Variants in MAF observed in about 807,000 individuals in gnomAD.
MAF encodes the protein MAF bZIP transcription factor.
MAF carries 10 observed loss-of-function variants against 22.0 expected under a neutral mutation model. That is an observed-to-expected ratio of 0.45 (90% confidence interval 0.28 to 0.77). The LOEUF (loss-of-function observed/expected upper bound fraction) is 0.77. Ranked by LOEUF, MAF falls within the 30% of genes least tolerant of loss-of-function variation. The pLI, the probability that MAF is intolerant of heterozygous loss-of-function variation, is 0.12. For synonymous variants in MAF, 337 were observed against 255.8 expected (o/e 1.32, Z -3.03); for missense variants, 544 against 548.4 (o/e 0.99, Z 0.08).
chr16:79,396,839 C>G, the MAF span, among the ~76,000 whole-genome samples: 2 of 152,212 alleles, frequency 1.3e-5, no homozygotes, highest in African/African-American at 4.8e-5. Context: ...TGCAGCCGAA[C>G]TTAGGAAACA....
At chr16:79,415,519 G>C in the MAF span, among the ~76,000 whole-genome samples, 14 of 152,292 alleles carry the variant, frequency 9.2e-5, no homozygotes, top group East Asian at 2.5e-3. Flanking sequence ...CTTAAATTAG[G>C]AATGGCTCAG....
the MAF span, among the ~76,000 whole-genome samples, chr16:79,247,372 TG>T: frequency 6.6e-6 from 1 of 152,218 alleles, no homozygotes; most frequent in Non-Finnish European, 1.5e-5. Flanking sequence ...ATATTATCAA[TG>T]GCAAAGTCAT....
the MAF span, among the ~76,000 whole-genome samples, chr16:79,373,743 G>A: frequency 6.6e-6 from 1 of 152,036 alleles, no homozygotes; most frequent in Non-Finnish European, 1.5e-5. Context: ...ATCATGTGAT[G>A]CCCTGAGCTG....
chr16:79,278,155 T>C, the MAF span, among the ~76,000 whole-genome samples: 5 of 152,316 alleles, frequency 3.3e-5, no homozygotes, highest in South Asian at 6.2e-4. Context: ...GTCGTCCAGG[T>C]ACCTGCCCCC....
the MAF span, among the ~76,000 whole-genome samples, chr16:79,409,110 A>G: frequency 6.6e-6 from 1 of 152,170 alleles, no homozygotes; most frequent in Non-Finnish European, 1.5e-5. Context: ...AAGGATGATC[A>G]AACAAAAGGT....
At chr16:79,212,059 C>T in the MAF span, 5 of 1,535,858 alleles carry the variant, frequency 3.3e-6, no homozygotes, top group Non-Finnish European at 4.4e-6. Flanking sequence ...TAAAAACCTG[C>T]TTGGTGTGTA....
the MAF span, among the ~76,000 whole-genome samples, chr16:79,236,610 T>C: frequency 6.6e-6 from 1 of 152,124 alleles, no homozygotes; most frequent in African/African-American, 2.4e-5. Context: ...CAGGAAATAT[T>C]GTGAAGAAAT....
chr16:79,406,839 C>A, the MAF span, among the ~76,000 whole-genome samples: 1 of 152,162 alleles, frequency 6.6e-6, no homozygotes, highest in African/African-American at 2.4e-5. Context: ...CCGCTTCCTG[C>A]CCTTCCTGGG....
chr16:79,326,364 A>G, the MAF span, among the ~76,000 whole-genome samples: 3 of 152,188 alleles, frequency 2.0e-5, no homozygotes, highest in Non-Finnish European at 2.9e-5. Context: ...CTTTCTAAAA[A>G]AGTTGATGAA....
the MAF span, among the ~76,000 whole-genome samples, chr16:79,316,982 A>C: frequency 6.6e-6 from 1 of 152,200 alleles, no homozygotes; most frequent in Non-Finnish European, 1.5e-5. Flanking sequence ...GCAAAAGAAG[A>C]AAACAGGCTT....
chr16:79,501,961 A>T, the MAF span, among the ~76,000 whole-genome samples: 6 of 152,168 alleles, frequency 3.9e-5, no homozygotes, highest in African/African-American at 1.4e-4. Flanking sequence ...GACTTCTGAG[A>T]AGTGGCTGTG....
At chr16:79,511,418 C>G in the MAF span, among the ~76,000 whole-genome samples, 3,020 of 152,252 alleles carry the variant, frequency 0.02, 88 homozygotes, top group African/African-American at 0.065. Context: ...AATAGAAATA[C>G]TAACAAATTC....
At chr16:79,568,073 A>G in the MAF span, among the ~76,000 whole-genome samples, 1 of 152,240 alleles carries the variant, frequency 6.6e-6, no homozygotes, top group Non-Finnish European at 1.5e-5. Flanking sequence ...AAAATGAACT[A>G]CAGTAAAGAG....
the MAF span, among the ~76,000 whole-genome samples, chr16:79,409,373 T>A: frequency 1.3e-5 from 2 of 152,220 alleles, no homozygotes; most frequent in African/African-American, 4.8e-5. Context: ...TCTGTCCTTA[T>A]TCTGCACACT....
chr16:79,577,542 C>G, the MAF span, among the ~76,000 whole-genome samples: 6 of 152,102 alleles, frequency 3.9e-5, no homozygotes, highest in Non-Finnish European at 7.3e-5. Flanking sequence ...TGCATGGTAG[C>G]TGTTGTCATC....
the MAF span, among the ~76,000 whole-genome samples, chr16:79,469,144 C>A: frequency 8.5e-5 from 13 of 152,210 alleles, no homozygotes; most frequent in Non-Finnish European, 1.9e-4. Context: ...CAAGCCCCAT[C>A]CAGCCCACTG....
At chr16:79,261,855 G>T in the MAF span, among the ~76,000 whole-genome samples, 1 of 152,236 alleles carries the variant, frequency 6.6e-6, no homozygotes, top group Admixed American at 6.5e-5. Context: ...GGGGGTGGAG[G>T]TTAGTGGAAG....
the MAF span, among the ~76,000 whole-genome samples, chr16:79,549,563 G>C: frequency 6.6e-6 from 1 of 152,194 alleles, no homozygotes; most frequent in Non-Finnish European, 1.5e-5. Flanking sequence ...CCTTGGCATG[G>C]CCAGTGAAGC....
At chr16:79,330,591 G>A in the MAF span, among the ~76,000 whole-genome samples, 1 of 152,188 alleles carries the variant, frequency 6.6e-6, no homozygotes, top group African/African-American at 2.4e-5. Context: ...CACCAGTGGG[G>A]AAAGACAGAG....
Sources: allele counts gnomAD v4.1 joint callset (sites outside exome capture counted in the v4.1 genomes callset), GRCh38; gene constraint gnomAD v4.1.1; transcripts MANE v1.5; gene names NCBI Gene and HGNC (gene_info 2026-07-23, HGNC 2026-07-21).